Variants in RYK observed in about 807,000 individuals in gnomAD.
RYK encodes the protein inactive tyrosine-protein kinase RYK.
In RYK, 21 loss-of-function variants were observed where a neutral mutation model predicts 70.2. That is an observed-to-expected ratio of 0.30 (90% CI 0.21 to 0.43). The LOEUF (loss-of-function observed/expected upper bound fraction) is 0.43, where lower values mean the gene tolerates loss of function less well. RYK is among the 20% of genes least tolerant of loss of function. The pLI, the probability that RYK is intolerant of heterozygous loss-of-function variation, is 1.00. For missense variants in RYK, 604 were observed against 753.3 expected, an observed-to-expected ratio of 0.80 and a Z score of 2.32; for synonymous variants, 267 against 278.0, an observed-to-expected ratio of 0.96 and a Z score of 0.39.
Position 134,216,575 on chromosome 3 carries a change from G to A in RYK, c.355-4968C>T, listed in dbSNP as rs545207898. On this transcript the variant is annotated intron_variant, in intron 2 of 14. Coordinates refer to ENST00000623711, the MANE Select transcript of RYK (RefSeq NM_002958.4). ...TGGGAGGCTGAGGCGGGTGGATCAC[G>A]ATGTGAGGAAATTGAGACCATCCTG... 6.3e-4 allele frequency among the ~76,000 whole-genome samples: 96 copies of A among 151,970 alleles called. 1 individual carries two copies. The South Asian group carries it at 0.019, about 29-fold the overall frequency.
At chr3:134,188,169 T>TATATATATATATATATATATATA (rs1560008698) in intron 9 of RYK, among the ~76,000 whole-genome samples, 1 of 56,406 alleles carries the variant, frequency 1.8e-5, no homozygotes, top group African/African-American at 6.3e-5. Flanking sequence ...ATATATATAT[T>TATATATATATATATATATATATA]TTTTTTTTTT....
chr3:134,190,623 C>CTGGAACCTGACCA (rs1347086229), intron 8 of RYK, among the ~76,000 whole-genome samples: 1 of 151,986 alleles, frequency 6.6e-6, no homozygotes, highest in African/African-American at 2.4e-5. Context: ...AACCTGACCA[C>CTGGAACCTGACCA]CTTTTTAAAT....
At chr3:134,188,974 T>C (rs2013559490) in intron 8 of RYK, 51 bp from the exon 9 acceptor site, 2 of 1,099,608 alleles carry the variant, frequency 1.8e-6, no homozygotes, top group Non-Finnish European at 2.6e-6. Context: ...CATAAAATTA[T>C]AGTACAAAAC....
chr3:134,164,968 A>G (rs1216772632), intron 13 of RYK, among the ~76,000 whole-genome samples: 1 of 152,220 alleles, frequency 6.6e-6, no homozygotes. Flanking sequence ...CATTTCCCTA[A>G]TGAATGACTA....
At chr3:134,248,817 G>C (rs913835828) in intron 1 of RYK, among the ~76,000 whole-genome samples, 5 of 152,050 alleles carry the variant, frequency 3.3e-5, no homozygotes, top group African/African-American at 7.2e-5. Context: ...TTAACTGTGT[G>C]ACCTTGAGCA....
chr3:134,225,827 C>T (rs1019671397), intron 1 of RYK, among the ~76,000 whole-genome samples: 5 of 151,058 alleles, frequency 3.3e-5, no homozygotes, highest in African/African-American at 7.3e-5. Flanking sequence ...ACTGTACTCC[C>T]GTCTATGTAA....
At chr3:134,233,946 G>A (rs1375765047) in intron 1 of RYK, among the ~76,000 whole-genome samples, 2 of 151,994 alleles carry the variant, frequency 1.3e-5, no homozygotes, top group Non-Finnish European at 1.5e-5. Flanking sequence ...TAAACATCCG[G>A]TGAATCAAAG....
chr3:134,167,176 T>C (rs1004305514), intron 13 of RYK, among the ~76,000 whole-genome samples: 1 of 152,144 alleles, frequency 6.6e-6, no homozygotes, highest in East Asian at 1.9e-4. Flanking sequence ...TCCATGCTCA[T>C]GGACAGGAAC....
chr3:134,243,134 A>C (rs778460229), intron 1 of RYK, among the ~76,000 whole-genome samples: 26 of 152,184 alleles, frequency 1.7e-4, no homozygotes, highest in Non-Finnish European at 3.5e-4. Context: ...GGAGAGGAAT[A>C]CATGGTTCAT....
intron 13 of RYK, among the ~76,000 whole-genome samples, chr3:134,172,179 A>T (rs2012936637): frequency 6.6e-6 from 1 of 152,208 alleles, no homozygotes; most frequent in Non-Finnish European, 1.5e-5. Flanking sequence ...AAAAATTAAC[A>T]TCCCAAAGAG....
chr3:134,175,518 T>C, intron 13 of RYK, 91 bp downstream of exon 13: 1 of 1,480,616 alleles, frequency 6.8e-7, no homozygotes, highest in Non-Finnish European at 9.2e-7. Context: ...TAGCAGATTT[T>C]TTAAAAACCC....
At chr3:134,190,135 T>G (rs2013600274) in intron 8 of RYK, among the ~76,000 whole-genome samples, 1 of 152,190 alleles carries the variant, frequency 6.6e-6, no homozygotes, top group South Asian at 2.1e-4. Context: ...CAGAAAAGAC[T>G]TTGGATAATC....
At chr3:134,236,220 C>T (rs1019057489) in intron 1 of RYK, among the ~76,000 whole-genome samples, 1 of 151,858 alleles carries the variant, frequency 6.6e-6, no homozygotes, top group African/African-American at 2.4e-5. Context: ...TCATAGAAAT[C>T]AAAAGAAAAG....
rs114751508 is a variant in RYK, at chr3:134,189,418, C to T, written c.1016-495G>A. On this transcript the variant is annotated intron_variant, in intron 8 of 14. Coordinates refer to ENST00000623711, the MANE Select transcript of RYK (RefSeq NM_002958.4). ...CACTCACTCCTCAGAAGGTCTCAGA[C>T]AAGCCAATTAGACTCTCGGTTCACT... Among the ~76,000 whole-genome samples, 261 of 152,234 alleles carry T rather than the reference C, an allele frequency of 1.7e-3. 1 individual carries two copies. The highest frequency in any genetic ancestry group is 5.9e-3 in the African/African-American group (246 of 41,544).
At chr3:134,188,055 C>T (rs2013524293) in intron 9 of RYK, among the ~76,000 whole-genome samples, 1 of 151,684 alleles carries the variant, frequency 6.6e-6, no homozygotes, top group South Asian at 2.1e-4. Flanking sequence ...TTAGGCGTCA[C>T]ATTTCAAACG....
intron 7 of RYK, among the ~76,000 whole-genome samples, chr3:134,193,479 G>A (rs1362378364): frequency 1.3e-5 from 2 of 152,082 alleles, no homozygotes; most frequent in South Asian, 2.1e-4. Flanking sequence ...CACCACACCC[G>A]GCCCCTTTGA....
intron 1 of RYK, among the ~76,000 whole-genome samples, chr3:134,229,398 A>C (rs2014998882): frequency 6.6e-6 from 1 of 151,158 alleles, no homozygotes; most frequent in African/African-American, 2.4e-5. Context: ...AAAAAAAAAA[A>C]CGTAGGATAG....
At chr3:134,173,092 T>C (rs1313764387) in intron 13 of RYK, among the ~76,000 whole-genome samples, 3 of 152,156 alleles carry the variant, frequency 2.0e-5, no homozygotes, top group South Asian at 2.1e-4. Context: ...ACAAAGTATT[T>C]TGAAGATATA....
chr3:134,247,852 A>G (rs1282055544), intron 1 of RYK, among the ~76,000 whole-genome samples: 1 of 152,192 alleles, frequency 6.6e-6, no homozygotes, highest in Non-Finnish European at 1.5e-5. Flanking sequence ...TTGGAACTCT[A>G]AACTGTCTTA....
Sources: allele counts gnomAD v4.1 joint callset (sites outside exome capture counted in the v4.1 genomes callset), GRCh38; gene constraint gnomAD v4.1.1; transcripts MANE v1.5; gene names NCBI Gene and HGNC (gene_info 2026-07-23, HGNC 2026-07-21).